NELL1: variants seen among roughly 807,000 people sequenced by gnomAD.
NELL1 encodes the protein neural EGFL like 1.
In NELL1, 76 loss-of-function variants were observed where a neutral mutation model predicts 107.4. That is an observed-to-expected ratio of 0.71 (90% CI 0.59 to 0.86). The LOEUF is 0.86. NELL1 is among the 40% of genes least tolerant of loss of function. The probability of loss-of-function intolerance (pLI) is 0.00; values close to 1 mark genes in which losing one functional copy is unlikely to be tolerated. For missense variants in NELL1, 1,024 were observed against 1,005.5 expected (o/e 1.02, Z -0.25); for synonymous variants, 353 against 341.2 (o/e 1.03, Z -0.38).
At chr11:21,276,070 G>A (rs1211458487) in intron 14 of NELL1, among the ~76,000 whole-genome samples, 11 of 152,108 alleles carry the variant, frequency 7.2e-5, no homozygotes, top group Non-Finnish European at 1.5e-4. Context: ...GCAGGAGAAG[G>A]AAATAAAGGG....
chr11:21,324,558 T>G (rs762689013), intron 14 of NELL1, among the ~76,000 whole-genome samples: 5 of 152,048 alleles, frequency 3.3e-5, no homozygotes, highest in Non-Finnish European at 7.4e-5. Context: ...TGAAACAGAT[T>G]AGTGATTTTT....
At chr11:21,482,763 A>G (rs1204429192) in intron 15 of NELL1, among the ~76,000 whole-genome samples, 2 of 151,778 alleles carry the variant, frequency 1.3e-5, no homozygotes, top group Non-Finnish European at 2.9e-5. Context: ...AAAAAAAAAA[A>G]AGAAAAAAAG....
chr11:20,856,804 G>A (rs1017325), intron 4 of NELL1, among the ~76,000 whole-genome samples: 93,997 of 152,050 alleles, frequency 0.62, 31,476 homozygotes, highest in Non-Finnish European at 0.75. Context: ...AATCATTAGT[G>A]AGTTGAGGTT....
At chr11:21,274,253 C>G (rs901050074) in intron 14 of NELL1, among the ~76,000 whole-genome samples, 2 of 152,138 alleles carry the variant, frequency 1.3e-5, no homozygotes, top group African/African-American at 4.8e-5. Context: ...GGTTGCAATC[C>G]TAGTCTCTGA....
chr11:20,750,608 G>A (rs886895037), intron 2 of NELL1, among the ~76,000 whole-genome samples: 2 of 151,432 alleles, frequency 1.3e-5, no homozygotes, highest in African/African-American at 4.9e-5. Context: ...TTGAGACAGG[G>A]TTCTCATTCT....
intron 13 of NELL1, among the ~76,000 whole-genome samples, chr11:21,176,998 T>A (rs892226556): frequency 2.6e-5 from 4 of 151,814 alleles, no homozygotes; most frequent in African/African-American, 9.7e-5. Context: ...TTGTGTATAT[T>A]TGTGGATTAC....
intron 5 of NELL1, among the ~76,000 whole-genome samples, chr11:20,904,839 C>A (rs1356210827): frequency 6.7e-6 from 1 of 149,418 alleles, no homozygotes; most frequent in Non-Finnish European, 1.5e-5. Context: ...TTTCTTTTTT[C>A]TTCTTTTGAG....
intron 13 of NELL1, among the ~76,000 whole-genome samples, chr11:21,157,047 A>T (rs1025237035): frequency 1.5e-4 from 23 of 152,052 alleles, no homozygotes; most frequent in African/African-American, 5.6e-4. Context: ...GGCTGCAGTG[A>T]GCTGAGATTG....
intron 13 of NELL1, among the ~76,000 whole-genome samples, chr11:21,133,821 G>A (rs957135315): frequency 2.8e-4 from 43 of 152,182 alleles, no homozygotes; most frequent in African/African-American, 9.9e-4. Context: ...GAGAGCAAAC[G>A]GAGGCCCGGG....
intron 14 of NELL1, among the ~76,000 whole-genome samples, chr11:21,366,021 T>C (rs1296062585): frequency 6.6e-6 from 1 of 152,138 alleles, no homozygotes; most frequent in East Asian, 1.9e-4. Flanking sequence ...CACCAAGTAA[T>C]AGGACCACAT....
At chr11:20,743,173 T>C (rs1358133766) in intron 2 of NELL1, among the ~76,000 whole-genome samples, 1 of 152,006 alleles carries the variant, frequency 6.6e-6, no homozygotes, top group Non-Finnish European at 1.5e-5. Context: ...GCCAACATGG[T>C]GATCTCGCCA....
At chr11:21,142,995 A>C (rs1855901001) in intron 13 of NELL1, among the ~76,000 whole-genome samples, 1 of 152,242 alleles carries the variant, frequency 6.6e-6, no homozygotes, top group Non-Finnish European at 1.5e-5. Flanking sequence ...AGTAAAATGA[A>C]GTAGAAATAT....
At chr11:21,103,060 T>C (rs1854860913) in intron 12 of NELL1, among the ~76,000 whole-genome samples, 1 of 152,184 alleles carries the variant, frequency 6.6e-6, no homozygotes, top group African/African-American at 2.4e-5. Context: ...CTTGAGTACA[T>C]TTAGCTGATC....
At chr11:21,380,387 G>C (rs545240026) in intron 15 of NELL1, among the ~76,000 whole-genome samples, 1 of 152,106 alleles carries the variant, frequency 6.6e-6, no homozygotes, top group South Asian at 2.1e-4. Flanking sequence ...TCCTGTCCTG[G>C]ATGTTTCCAG....
intron 15 of NELL1, among the ~76,000 whole-genome samples, chr11:21,452,984 AT>A (rs1210845492): frequency 4.6e-5 from 7 of 151,882 alleles, no homozygotes; most frequent in Non-Finnish European, 1.0e-4. Context: ...TTATAGTTCT[AT>A]TTTTAATTTT....
At chr11:21,490,215 A>G (rs1293243217) in intron 15 of NELL1, among the ~76,000 whole-genome samples, 1 of 152,018 alleles carries the variant, frequency 6.6e-6, no homozygotes, top group Non-Finnish European at 1.5e-5. Flanking sequence ...ATATATACTC[A>G]GGAATTAATT....
chr11:21,259,319 A>G (rs1348870951), intron 14 of NELL1, among the ~76,000 whole-genome samples: 2 of 151,882 alleles, frequency 1.3e-5, no homozygotes, highest in Admixed American at 6.6e-5. Flanking sequence ...GTGGTTTGCT[A>G]TAATTAGGGG....
Position 21,394,560 on chromosome 11 carries a change from A to G in NELL1, c.1645+23612A>G, listed in dbSNP as rs938238283. Among the ~76,000 whole-genome samples, 5 of 151,416 alleles carry G rather than the reference A, an allele frequency of 3.3e-5. No homozygotes were observed. In the South Asian group the frequency reaches 1.0e-3, roughly 31 times the overall value. On this transcript the variant is annotated intron_variant, in intron 15 of 19. Coordinates refer to ENST00000357134, the MANE Select transcript of NELL1 (RefSeq NM_006157.5). ...CTCTTATTAGCAGAATTGTCCTTGT[A>G]TATAAAGTATGTGAACAGAATTTGT...
At chr11:21,477,956 T>C (rs1180147549) in intron 15 of NELL1, among the ~76,000 whole-genome samples, 3 of 150,844 alleles carry the variant, frequency 2.0e-5, no homozygotes, top group African/African-American at 7.3e-5. Context: ...AAAAATGTAA[T>C]TGACATATAG....
Sources: allele counts gnomAD v4.1 joint callset (sites outside exome capture counted in the v4.1 genomes callset), GRCh38; gene constraint gnomAD v4.1.1; transcripts MANE v1.5; gene names NCBI Gene and HGNC (gene_info 2026-07-23, HGNC 2026-07-21).